PRLR: variants seen among roughly 807,000 people sequenced by gnomAD.
PRLR encodes the protein prolactin receptor.
PRLR carries 13 observed loss-of-function variants against 40.2 expected under a neutral mutation model. That is an observed-to-expected ratio of 0.32 (90% confidence interval 0.21 to 0.51). PRLR has a LOEUF of 0.51. PRLR is among the 20% of genes least tolerant of loss of function. The probability of loss-of-function intolerance (pLI) is 0.97; values close to 1 mark genes in which losing one functional copy is unlikely to be tolerated. For missense variants in PRLR, 656 were observed against 747.3 expected (o/e 0.88, Z 1.42); for synonymous variants, 269 against 278.7 (o/e 0.97, Z 0.35).
rs889464070 is a variant in PRLR at position 35,060,015 on chromosome 5, G to A, written c.*5074C>T. The stretch of plus-strand genomic sequence containing the variant: ...TGGCTGGCTAATTTTTAAAATTTTT[G>A]TAGAGACTGGGTCTTACTATGTTGC... On this transcript the variant is annotated 3_prime_UTR_variant, in exon 10 of 10. Transcript: ENST00000618457. 1.9e-4 allele frequency: 29 copies of A among 152,156 alleles called. No homozygotes were observed. Among genetic ancestry groups the A allele is most frequent in the African/African-American group, 7.0e-4 (29 of 41,394 alleles). 9.4% of individuals were successfully genotyped at this position (152,156 alleles called of 1,614,324 possible).
At chr5:35,164,089 C>A (rs750227312) in intron 1 of PRLR, among the ~76,000 whole-genome samples, 1 of 152,212 alleles carries the variant, frequency 6.6e-6, no homozygotes, top group African/African-American at 2.4e-5. Flanking sequence ...CCGTCAGTCA[C>A]GTCATTTTTG....
At chr5:35,186,315 T>C (rs1009428761) in intron 1 of PRLR, among the ~76,000 whole-genome samples, 1 of 152,218 alleles carries the variant, frequency 6.6e-6, no homozygotes, top group African/African-American at 2.4e-5. Flanking sequence ...GTAGCTTACA[T>C]GCTATTTCTA....
intron 1 of PRLR, among the ~76,000 whole-genome samples, chr5:35,186,851 T>A (rs1775448988): frequency 6.6e-6 from 1 of 152,216 alleles, no homozygotes; most frequent in Non-Finnish European, 1.5e-5. Context: ...ACTACTCTTC[T>A]GCACCCCGCT....
At chr5:35,083,444 C>CTG (rs779873401) in intron 5 of PRLR, among the ~76,000 whole-genome samples, 3,916 of 139,618 alleles carry the variant, frequency 0.028, 161 homozygotes, top group African/African-American at 0.11. Flanking sequence ...CTCTTCCTCT[C>CTG]TCTCTGTGTG....
chr5:35,179,135 A>T (rs1579769834), intron 1 of PRLR, among the ~76,000 whole-genome samples: 1 of 152,260 alleles, frequency 6.6e-6, no homozygotes, highest in South Asian at 2.1e-4. Flanking sequence ...TCTTCATCTC[A>T]CTACATACAG....
chr5:35,187,363 T>G (rs1775472589), intron 1 of PRLR, among the ~76,000 whole-genome samples: 1 of 151,042 alleles, frequency 6.6e-6, no homozygotes, highest in Non-Finnish European at 1.5e-5. Flanking sequence ...ATCACGCCAC[T>G]GCACTCCAGC....
At chr5:35,112,857 C>A (rs1772745064) in intron 2 of PRLR, among the ~76,000 whole-genome samples, 1 of 152,150 alleles carries the variant, frequency 6.6e-6, no homozygotes, top group Non-Finnish European at 1.5e-5. Context: ...TTCAGCTTCC[C>A]TCAGGAGCCC....
At chr5:35,209,145 T>G (rs1367914848) in intron 1 of PRLR, among the ~76,000 whole-genome samples, 6 of 152,064 alleles carry the variant, frequency 3.9e-5, no homozygotes, top group Non-Finnish European at 8.8e-5. Flanking sequence ...TATCAGTGTT[T>G]TTTTTTTCTT....
In PRLR at chr5:35,058,110, C is replaced by A. The variant is rs987954858; in HGVS notation, c.*6979G>T. 7.9e-5 allele frequency: 12 copies of A among 151,746 alleles called. No homozygotes were observed. Among genetic ancestry groups the A allele is most frequent in the African/African-American group, 2.4e-4 (10 of 41,314 alleles). The allele number at this position is 151,746 out of a possible 1,614,324, so 9.4% of individuals were successfully genotyped here. A position where few individuals can be genotyped will look rare whatever the true frequency, so the allele number is the denominator to read the frequency against. On this transcript the variant is annotated 3_prime_UTR_variant, in exon 10 of 10. Transcript: ENST00000618457. ...TGGTTATTCAGAAACTCTTGCATAA[C>A]CCTACAAAGTGATGAATTAGAAGGT...
At chr5:35,123,857 C>T (rs1256839088) in intron 1 of PRLR, among the ~76,000 whole-genome samples, 1 of 152,158 alleles carries the variant, frequency 6.6e-6, no homozygotes, top group Non-Finnish European at 1.5e-5. Context: ...ATTTATGAGG[C>T]TTTAAACGTG....
intron 1 of PRLR, among the ~76,000 whole-genome samples, chr5:35,125,503 G>T (rs553668173): frequency 1.6e-4 from 24 of 152,262 alleles, no homozygotes; most frequent in African/African-American, 5.5e-4. Flanking sequence ...AAAGGAAATG[G>T]TTTAAAAAAT....
chr5:35,156,670 T>C (rs1243176102), intron 1 of PRLR, among the ~76,000 whole-genome samples: 1 of 152,178 alleles, frequency 6.6e-6, no homozygotes, highest in Non-Finnish European at 1.5e-5. Flanking sequence ...TACAATGCTC[T>C]TCCTCAAATG....
At chr5:35,135,090 GT>G (rs771752166) in intron 1 of PRLR, among the ~76,000 whole-genome samples, 28 of 125,908 alleles carry the variant, frequency 2.2e-4, no homozygotes, top group East Asian at 1.1e-3. Flanking sequence ...AGAGATTTGT[GT>G]TTTTTTTTTT....
intron 1 of PRLR, among the ~76,000 whole-genome samples, chr5:35,222,387 G>T (rs1776447280): frequency 6.6e-6 from 1 of 152,126 alleles, no homozygotes; most frequent in South Asian, 2.1e-4. Context: ...TATCCTTTCA[G>T]TGAACAAGAG....
At chr5:35,196,846 A>C (rs1409958433) in intron 1 of PRLR, among the ~76,000 whole-genome samples, 1 of 152,164 alleles carries the variant, frequency 6.6e-6, no homozygotes, top group Non-Finnish European at 1.5e-5. Flanking sequence ...TGGAGGCTGG[A>C]AGTCTGAGAT....
At chr5:35,215,465 G>C (rs1354623636) in intron 1 of PRLR, among the ~76,000 whole-genome samples, 5 of 152,174 alleles carry the variant, frequency 3.3e-5, no homozygotes, top group African/African-American at 1.2e-4. Context: ...CATGAATTGT[G>C]TGCTTCCTTG....
chr5:35,068,351 G>A, intron 8 of PRLR, 66 bp from the exon 9 acceptor site: 1 of 1,390,832 alleles, frequency 7.2e-7, no homozygotes, highest in East Asian at 2.3e-5. Context: ...TGAAAGGTTA[G>A]TATAATAGCC....
rs975292385 is a variant in PRLR, at chr5:35,069,010, C to G, written c.686-132G>C. 3 of 596,764 alleles carry G rather than the reference C, an allele frequency of 5.0e-6. No individual in the cohort carries two copies. The Admixed American group carries it at 8.5e-5, about 17-fold the overall frequency. The allele number at this position is 596,764 out of a possible 1,614,324, so 37.0% of individuals were successfully genotyped here. ...ATATTTTTTTGATTTGAACAGCAAT[C>G]CAAAGTATCATCAATGACAGGGCTA... is the stretch of plus-strand genomic sequence containing the variant. On this transcript the variant is annotated intron_variant, in intron 7 of 9. Transcript: ENST00000618457.
intron 2 of PRLR, among the ~76,000 whole-genome samples, chr5:35,107,575 C>T (rs1390586667): frequency 6.6e-6 from 1 of 152,072 alleles, no homozygotes; most frequent in Admixed American, 6.6e-5. Context: ...ATACAAACTA[C>T]CATCAGAAAA....
Sources: gnomAD v4.1 joint callset for allele counts (sites outside exome capture counted in the v4.1 genomes callset) on GRCh38, gnomAD v4.1.1 for gene constraint, MANE v1.5 for transcripts, NCBI Gene and HGNC (gene_info 2026-07-23, HGNC 2026-07-21) for gene names.